HDAC9: variants seen among roughly 807,000 people sequenced by gnomAD.
HDAC9 encodes histone deacetylase 9, also known as MEF-2 interacting transcription repressor (MITR) protein.
In HDAC9, 41 loss-of-function variants were observed where a neutral mutation model predicts 139.4. That is an observed-to-expected ratio of 0.29 (90% CI 0.23 to 0.38). HDAC9 has a LOEUF of 0.38. HDAC9 is among the 10% of genes least tolerant of loss of function. The pLI, the probability that HDAC9 is intolerant of heterozygous loss-of-function variation, is 1.00. For synonymous variants in HDAC9, 517 were observed against 476.2 expected (o/e 1.09, Z -1.12); for missense variants, 1,147 against 1,297.0 (o/e 0.88, Z 1.78).
At chr7:18,573,874 C>A (rs1159465715) in intron 2 of HDAC9, among the ~76,000 whole-genome samples, 3 of 152,182 alleles carry the variant, frequency 2.0e-5, no homozygotes, top group Non-Finnish European at 4.4e-5. Flanking sequence ...AGCCCCTGGG[C>A]CTGGGCTCCC....
intron 1 of HDAC9, among the ~76,000 whole-genome samples, chr7:18,389,691 A>G (rs1173990351): frequency 6.6e-6 from 1 of 152,248 alleles, no homozygotes; most frequent in Non-Finnish European, 1.5e-5. Context: ...AAGTATATGC[A>G]TAAGCAAAAA....
chr7:18,515,232 C>T (rs1188110932), intron 2 of HDAC9, among the ~76,000 whole-genome samples: 1 of 152,158 alleles, frequency 6.6e-6, no homozygotes, highest in Non-Finnish European at 1.5e-5. Flanking sequence ...CTTCCTCATT[C>T]CAATCTTTTG....
At chr7:18,353,944 A>G (rs950184539) in intron 1 of HDAC9, among the ~76,000 whole-genome samples, 1 of 152,162 alleles carries the variant, frequency 6.6e-6, no homozygotes. Context: ...GAACAGTGTG[A>G]CCTGTTTCAC....
chr7:18,244,991 C>A (rs1230821455), intron 2 of HDAC9, among the ~76,000 whole-genome samples: 1 of 15,136 alleles, frequency 6.6e-5, no homozygotes, highest in African/African-American at 3.0e-4. Context: ...ATTATCTAAT[C>A]TGCATCTATC....
intron 1 of HDAC9, among the ~76,000 whole-genome samples, chr7:18,132,074 C>T (rs1785048998): frequency 6.6e-6 from 1 of 152,120 alleles, no homozygotes; most frequent in Admixed American, 6.6e-5. Context: ...TTCTCTAACA[C>T]CTTCACACGC....
intron 10 of HDAC9, 86 bp downstream of exon 10, chr7:18,648,084 C>A: frequency 1.9e-6 from 2 of 1,056,400 alleles, no homozygotes; most frequent in Non-Finnish European, 2.7e-6. Flanking sequence ...ACTCAAGACC[C>A]TGATGGAGAT....
chr7:18,459,599 C>G (rs1316241331), intron 1 of HDAC9, among the ~76,000 whole-genome samples: 1 of 151,942 alleles, frequency 6.6e-6, no homozygotes, highest in Non-Finnish European at 1.5e-5. Flanking sequence ...TGCTCCCTTG[C>G]CAGTAAATCG....
At chr7:18,194,852 G>T (rs2128154093) in intron 2 of HDAC9, among the ~76,000 whole-genome samples, 1 of 152,046 alleles carries the variant, frequency 6.6e-6, no homozygotes, top group African/African-American at 2.4e-5. Flanking sequence ...AGCTGTGCAT[G>T]GAAATTAATT....
At chr7:18,966,012 T>A (rs1783821143) in intron 24 of HDAC9, among the ~76,000 whole-genome samples, 1 of 152,206 alleles carries the variant, frequency 6.6e-6, no homozygotes, top group Non-Finnish European at 1.5e-5. Context: ...TGTTTCAGAT[T>A]TTTCATTCTG....
At chr7:18,721,082 G>C (rs1378302279) in intron 12 of HDAC9, among the ~76,000 whole-genome samples, 1 of 151,936 alleles carries the variant, frequency 6.6e-6, no homozygotes, top group African/African-American at 2.4e-5. Context: ...TATGTGGAAG[G>C]TTAGTTATTA....
chr7:18,403,959 T>C (rs1381102244), intron 1 of HDAC9, among the ~76,000 whole-genome samples: 1 of 152,152 alleles, frequency 6.6e-6, no homozygotes, highest in Non-Finnish European at 1.5e-5. Flanking sequence ...TGAGTTAGCA[T>C]TAGTTCCATG....
At chr7:18,708,261 T>C (rs573403265) in intron 12 of HDAC9, among the ~76,000 whole-genome samples, 31 of 151,892 alleles carry the variant, frequency 2.0e-4, no homozygotes, top group African/African-American at 7.5e-4. Context: ...TGGAGAATGA[T>C]GGAGATTTGG....
At position 18,496,317 on chromosome 7, in the gene HDAC9, C is replaced by A; in HGVS notation, c.15C>A (p.Ile5=). Residue 5 remains isoleucine, a synonymous_variant, in exon 2 of 26, where the codon ATC becomes ATA. Coordinates refer to ENST00000686413, the MANE Select transcript of HDAC9 (RefSeq NM_178425.4). ...CTCAGCAAAGAATGCACAGTATGAT[C>A]AGCTCAGGTAAGATCCTCTTTCATA... MHSM[I]SSVDVKSEVP... 1 of 1,613,000 alleles carries A rather than the reference C, an allele frequency of 6.2e-7. No individual in the cohort carries two copies. Among genetic ancestry groups the A allele is most frequent in the Non-Finnish European group, 8.5e-7 (1 of 1,179,292 alleles).
intron 2 of HDAC9, among the ~76,000 whole-genome samples, chr7:18,277,184 A>G (rs978300607): frequency 8.0e-6 from 1 of 125,308 alleles, no homozygotes; most frequent in Non-Finnish European, 1.9e-5. Flanking sequence ...TTAGTGTGAG[A>G]AGGAGATAGG....
chr7:18,092,524 G>A (rs1782237277), intron 1 of HDAC9, among the ~76,000 whole-genome samples: 2 of 151,864 alleles, frequency 1.3e-5, no homozygotes, highest in African/African-American at 2.4e-5. Context: ...TGCTGCTGTC[G>A]CTGCTGGCAT....
Position 18,865,029 on chromosome 7 carries a change from G to T in HDAC9, c.2685-9449G>T, listed in dbSNP as rs147547021. ...AGTCCTGGCCAAGCTTCACTGACCA[G>T]AGACTCATGGGTCATTAAAACAAAC... On this transcript the variant is annotated intron_variant, in intron 21 of 25. Coordinates refer to ENST00000686413, the MANE Select transcript of HDAC9 (RefSeq NM_178425.4). Among the ~76,000 whole-genome samples the T allele has an allele frequency of 2.6e-5, 4 of 152,312 alleles. No individual in the cohort carries two copies. In the East Asian group the frequency reaches 7.7e-4, roughly 29 times the overall value.
chr7:18,273,183 C>G (rs1360797800), intron 2 of HDAC9, among the ~76,000 whole-genome samples: 1 of 150,554 alleles, frequency 6.6e-6, no homozygotes, highest in African/African-American at 2.4e-5. Flanking sequence ...CCTCCCACCT[C>G]AGCCTCCTGA....
chr7:18,224,574 G>T (rs570397257), intron 2 of HDAC9, among the ~76,000 whole-genome samples: 1 of 152,084 alleles, frequency 6.6e-6, no homozygotes, highest in Non-Finnish European at 1.5e-5. Context: ...GTAGGTTCTG[G>T]GAAGGGTTCA....
At chr7:18,560,680 C>T (rs559519104) in intron 2 of HDAC9, among the ~76,000 whole-genome samples, 30 of 152,222 alleles carry the variant, frequency 2.0e-4, no homozygotes, top group African/African-American at 6.5e-4. Context: ...ATTTGTTGGA[C>T]GAGTGAGTGC....
Sources: allele counts gnomAD v4.1 joint callset (sites outside exome capture counted in the v4.1 genomes callset), GRCh38; gene constraint gnomAD v4.1.1; transcripts MANE v1.5; gene names NCBI Gene and HGNC (gene_info 2026-07-23, HGNC 2026-07-21).